Variants in SSBP3 observed in about 807,000 individuals in gnomAD.
The protein encoded by SSBP3 is single stranded DNA binding protein 3, also known as single-stranded DNA-binding protein 3.
SSBP3 carries 5 observed loss-of-function variants against 69.6 expected under a neutral mutation model. The ratio of observed to expected loss-of-function variants is 0.07; its 90% CI spans 0.04 to 0.15. SSBP3 has a LOEUF of 0.15. Among genes scored for constraint, SSBP3 ranks in the 10% least tolerant of loss-of-function variants. The pLI, the probability that SSBP3 is intolerant of heterozygous loss-of-function variation, is 1.00. For synonymous variants in SSBP3, 196 were observed against 193.4 expected (o/e 1.01, Z -0.11); for missense variants, 312 against 534.0 (o/e 0.58, Z 4.10).
intron 4 of SSBP3, among the ~76,000 whole-genome samples, chr1:54,350,065 G>A (rs1392769767): frequency 1.3e-5 from 2 of 152,008 alleles, no homozygotes; most frequent in African/African-American, 4.8e-5. Flanking sequence ...CACCTGCCAC[G>A]CCAACCTGGG....
chr1:54,381,907 A>G (rs1647683894), intron 4 of SSBP3, among the ~76,000 whole-genome samples: 1 of 152,258 alleles, frequency 6.6e-6, no homozygotes, highest in Non-Finnish European at 1.5e-5. Flanking sequence ...TAAGATGTGC[A>G]GTTAGGCTGG....
upstream of SSBP3, among the ~76,000 whole-genome samples, chr1:54,406,985 C>A (rs546117094): frequency 1.3e-5 from 2 of 152,198 alleles, no homozygotes; most frequent in African/African-American, 2.4e-5. Flanking sequence ...GCCTCCCTCT[C>A]GCCCAGTCTG....
At chr1:54,225,456 T>A in exon 18 of SSBP3, 1 of 1,213,768 alleles carries the variant, frequency 8.2e-7, no homozygotes, top group African/African-American at 1.6e-5. Context: ...GTCCCTTTAA[T>A]AAAACGTTAT....
At chr1:54,407,083 C>T (rs896853234), upstream of SSBP3, among the ~76,000 whole-genome samples, 1 of 151,970 alleles carries the variant, frequency 6.6e-6, no homozygotes, top group Non-Finnish European at 1.5e-5. Context: ...TTTACTAGAT[C>T]ATTAAAATAC....
At chr1:54,238,995 T>A in intron 14 of SSBP3, 134 bp downstream of exon 14, 1 of 818,322 alleles carries the variant, frequency 1.2e-6, no homozygotes, top group Non-Finnish European at 2.0e-6. Context: ...TTAATCACTT[T>A]TCTGACGGTT....
chr1:54,333,600 C>G (rs1646458526), intron 4 of SSBP3, among the ~76,000 whole-genome samples: 1 of 152,214 alleles, frequency 6.6e-6, no homozygotes, highest in Admixed American at 6.5e-5. Flanking sequence ...AACTCCAAGA[C>G]AGGCTATCTG....
At chr1:54,314,236 G>T (rs889444289) in intron 4 of SSBP3, among the ~76,000 whole-genome samples, 1 of 152,212 alleles carries the variant, frequency 6.6e-6, no homozygotes, top group Non-Finnish European at 1.5e-5. Context: ...TTGTCTGGCA[G>T]GGGTAGGGGA....
intron 4 of SSBP3, among the ~76,000 whole-genome samples, chr1:54,327,265 G>C (rs1413838690): frequency 2.0e-4 from 27 of 137,856 alleles, no homozygotes; most frequent in African/African-American, 6.7e-4. Flanking sequence ...AGGAAGGAAG[G>C]AAGGAAAACA....
chr1:54,374,793 T>G (rs919546607), intron 4 of SSBP3, among the ~76,000 whole-genome samples: 2 of 152,138 alleles, frequency 1.3e-5, no homozygotes, highest in Non-Finnish European at 2.9e-5. Flanking sequence ...ACGTGAGATA[T>G]CAGGGCTATC....
At chr1:54,348,317 A>G (rs1035511578) in intron 4 of SSBP3, among the ~76,000 whole-genome samples, 4 of 150,208 alleles carry the variant, frequency 2.7e-5, no homozygotes, top group Admixed American at 2.0e-4. Flanking sequence ...AGAAAAAGGA[A>G]AAGGTTCAAA....
chr1:54,330,863 A>G (rs1438172897), intron 4 of SSBP3, among the ~76,000 whole-genome samples: 1 of 152,170 alleles, frequency 6.6e-6, no homozygotes, highest in Non-Finnish European at 1.5e-5. Flanking sequence ...CCTCCTGAGC[A>G]CACCACCGTG....
intron 4 of SSBP3, among the ~76,000 whole-genome samples, chr1:54,399,029 C>T (rs907260333): frequency 6.6e-6 from 1 of 152,178 alleles, no homozygotes; most frequent in African/African-American, 2.4e-5. Context: ...TCGAGAGCAC[C>T]CGCAACAATT....
chr1:54,395,412 G>A (rs1648792928), intron 4 of SSBP3, among the ~76,000 whole-genome samples: 1 of 152,244 alleles, frequency 6.6e-6, no homozygotes, highest in Admixed American at 6.5e-5. Context: ...TTACCATTTA[G>A]CCATGCAGTG....
rs1352052671 is a variant in SSBP3 at position 54,258,263 on chromosome 1, G to C, written c.367-114C>G. 1 of 787,042 alleles carries C rather than the reference G, an allele frequency of 1.3e-6. No individual in the cohort carries two copies. The highest frequency in any genetic ancestry group is 1.8e-6 in the Non-Finnish European group (1 of 549,124). 48.8% of individuals were successfully genotyped at this position (787,042 alleles called of 1,614,324 possible). A position where few individuals can be genotyped will look rare whatever the true frequency, so the allele number is the denominator to read the frequency against. ...ACGAAGGGTGGGCGGCGGGCGTGCG[G>C]GGGGGTGGGCTCTGGTTGGTGGGAG... On this transcript the variant is annotated intron_variant, in intron 5 of 17. Coordinates refer to ENST00000610401, the Ensembl canonical transcript of SSBP3. This position sits in a 1 kb window ranked among gnomAD's most constrained non-coding sequence, Gnocchi z 4.5.
intron 5 of SSBP3, among the ~76,000 whole-genome samples, chr1:54,272,692 G>T (rs781222144): frequency 2.0e-5 from 3 of 152,184 alleles, no homozygotes; most frequent in Non-Finnish European, 4.4e-5. Context: ...GTACAGTGCT[G>T]GGAGAACTGC....
At chr1:54,248,360 T>G (rs1162670265) in intron 9 of SSBP3, among the ~76,000 whole-genome samples, 1 of 152,202 alleles carries the variant, frequency 6.6e-6, no homozygotes, top group Non-Finnish European at 1.5e-5. Flanking sequence ...CAGGACACCA[T>G]GTGGGGACTT....
At chr1:54,329,500 G>C (rs995843708) in intron 4 of SSBP3, among the ~76,000 whole-genome samples, 3 of 152,214 alleles carry the variant, frequency 2.0e-5, no homozygotes, top group Non-Finnish European at 4.4e-5. Context: ...GAGGCAGGAT[G>C]GCCTGCCAGG....
chr1:54,410,668 C>T (rs1260604060), upstream of SSBP3, among the ~76,000 whole-genome samples: 1 of 152,230 alleles, frequency 6.6e-6, no homozygotes, highest in African/African-American at 2.4e-5. Flanking sequence ...ATCCAACACG[C>T]AAAGACCTGG....
intron 4 of SSBP3, among the ~76,000 whole-genome samples, chr1:54,359,542 AC>A (rs2100624715): frequency 6.6e-6 from 1 of 152,328 alleles, no homozygotes; most frequent in Admixed American, 6.5e-5. Flanking sequence ...GCATGCCCTC[AC>A]TGACCTACAG....
Sources: allele counts gnomAD v4.1 joint callset (sites outside exome capture counted in the v4.1 genomes callset), GRCh38; gene constraint gnomAD v4.1.1; non-coding constraint Gnocchi (gnomAD v3.1); transcripts MANE v1.5; gene names NCBI Gene and HGNC (gene_info 2026-07-23, HGNC 2026-07-21).